SLC4A10: variants seen among roughly 807,000 people sequenced by gnomAD.
The protein encoded by SLC4A10 is sodium-driven chloride bicarbonate exchanger.
In SLC4A10, 42 loss-of-function variants were observed where a neutral mutation model predicts 137.7. That is an observed-to-expected ratio of 0.30 (90% confidence interval 0.24 to 0.39). The LOEUF is 0.39. SLC4A10 is among the 10% of genes least tolerant of loss of function. SLC4A10 has a pLI of 1.00. For synonymous variants in SLC4A10, 474 were observed against 464.1 expected (o/e 1.02, Z -0.27); for missense variants, 925 against 1,355.0 (o/e 0.68, Z 4.98).
At chr2:161,730,306 T>C (rs943916679) in intron 1 of SLC4A10, among the ~76,000 whole-genome samples, 4 of 152,158 alleles carry the variant, frequency 2.6e-5, no homozygotes, top group Non-Finnish European at 4.4e-5. Flanking sequence ...GAATTAGTTA[T>C]ACAGCTTCAG....
chr2:161,848,701 C>CTCTATT (rs2059641976), intron 4 of SLC4A10, among the ~76,000 whole-genome samples: 1 of 151,936 alleles, frequency 6.6e-6, no homozygotes, highest in Non-Finnish European at 1.5e-5. Context: ...ACATATGTGG[C>CTCTATT]TCTATTTCTG....
At position 161,908,636 on chromosome 2, in the gene SLC4A10, G is replaced by T. The variant is rs12616276; in HGVS notation, c.1997+2749G>T. Among the ~76,000 whole-genome samples the T allele has an allele frequency of 1.5e-3, 231 of 150,596 alleles. 6 individuals are homozygous for T. In the East Asian group the frequency reaches 0.044, roughly 28 times the overall value. ...CAACTGGTATTGGGTTGGGAAAGGA[G>T]GCAGAATGGGAAGCCAGTTTGCAAA... On this transcript the variant is annotated intron_variant, in intron 15 of 26. Transcript: ENST00000446997.
chr2:161,770,328 G>A (rs565574059), intron 1 of SLC4A10, among the ~76,000 whole-genome samples: 74 of 151,942 alleles, frequency 4.9e-4, no homozygotes, highest in Non-Finnish European at 8.5e-4. Context: ...TTGAGCATGT[G>A]TTTAGTACTC....
chr2:161,717,259 T>G (rs187677712), intron 1 of SLC4A10, among the ~76,000 whole-genome samples: 117 of 152,294 alleles, frequency 7.7e-4, no homozygotes, highest in African/African-American at 2.7e-3. Flanking sequence ...TTTGATTTCT[T>G]CTCTTTCTAT....
chr2:161,736,943 C>T (rs973251229), intron 1 of SLC4A10, among the ~76,000 whole-genome samples: 4 of 152,112 alleles, frequency 2.6e-5, no homozygotes, highest in African/African-American at 9.7e-5. Context: ...TCACTACAGC[C>T]TTGACCTCAT....
In SLC4A10 at chr2:161,950,703, G is replaced by C. The variant is rs371575939; in HGVS notation, c.2396G>C (p.Arg799Pro). 1 of 1,589,358 alleles carries C rather than the reference G, an allele frequency of 6.3e-7. No individual in the cohort carries two copies. Among genetic ancestry groups the C allele is most frequent in the Non-Finnish European group, 8.6e-7 (1 of 1,166,528 alleles). ...PSVFKPTRDDRGWFVTPLGPN... is the reference protein window; with the variant it reads ...PSVFKPTRDDPGWFVTPLGPN... ...TTTATACAGCCCACTAGAGATGATCGTGGCTGGTTTGTTACGCCTTTAGGT... is the reference window on the plus strand; with the variant it reads ...TTTATACAGCCCACTAGAGATGATCCTGGCTGGTTTGTTACGCCTTTAGGT... Residue 799 changes from arginine (R) to proline (P), a missense_variant, in exon 19 of 27, where the codon CGT (arginine) becomes CCT (proline). Physicochemically the swap from Arg to Pro is moderately radical, Grantham distance 103. This residue lies in a region of SLC4A10 where 82 missense variants were observed against 151.4 expected (regional missense o/e 0.54). Coordinates refer to ENST00000446997, the MANE Select transcript of SLC4A10 (RefSeq NM_001178015.2).
intron 1 of SLC4A10, among the ~76,000 whole-genome samples, chr2:161,726,554 A>G (rs1057206975): frequency 4.6e-5 from 7 of 152,168 alleles, no homozygotes; most frequent in Non-Finnish European, 8.8e-5. Flanking sequence ...TGGCAGTGGC[A>G]AAAGCTGAAA....
At chr2:161,936,006 T>C (rs1405963438) in intron 15 of SLC4A10, among the ~76,000 whole-genome samples, 1 of 152,170 alleles carries the variant, frequency 6.6e-6, no homozygotes, top group African/African-American at 2.4e-5. Flanking sequence ...GAATGTTGAA[T>C]TTTGTCAAAT....
intron 15 of SLC4A10, among the ~76,000 whole-genome samples, chr2:161,928,753 C>G (rs965013679): frequency 4.0e-5 from 6 of 151,230 alleles, no homozygotes; most frequent in Non-Finnish European, 8.8e-5. Context: ...CATTTAGTTC[C>G]TCCCATCTAT....
At chr2:161,795,190 C>G (rs1035929503) in intron 2 of SLC4A10, among the ~76,000 whole-genome samples, 5 of 152,210 alleles carry the variant, frequency 3.3e-5, no homozygotes, top group Non-Finnish European at 5.9e-5. Context: ...TTACAGGCCT[C>G]TCTCCTCTGT....
At chr2:161,934,546 AT>A (rs1240049961) in intron 15 of SLC4A10, among the ~76,000 whole-genome samples, 2 of 151,938 alleles carry the variant, frequency 1.3e-5, no homozygotes, top group Non-Finnish European at 2.9e-5. Flanking sequence ...TATGTACCAC[AT>A]TTTCCTTATT....
At chr2:161,650,198 G>A (rs549727629) in intron 1 of SLC4A10, among the ~76,000 whole-genome samples, 2 of 151,826 alleles carry the variant, frequency 1.3e-5, no homozygotes, top group Non-Finnish European at 2.9e-5. Context: ...CTTTTGAATA[G>A]TACTGGTCAG....
chr2:161,717,094 T>C (rs936464968), intron 1 of SLC4A10, among the ~76,000 whole-genome samples: 1 of 152,162 alleles, frequency 6.6e-6, no homozygotes, highest in African/African-American at 2.4e-5. Context: ...TTTGGCTTTA[T>C]GCTTGTCTGT....
chr2:161,898,526 A>G (rs1228143729), intron 11 of SLC4A10, among the ~76,000 whole-genome samples: 3 of 152,140 alleles, frequency 2.0e-5, no homozygotes, highest in Non-Finnish European at 4.4e-5. Context: ...AAATTTTTTC[A>G]CCATTGGGAT....
At chr2:161,841,703 A>G (rs2125798217) in intron 4 of SLC4A10, among the ~76,000 whole-genome samples, 1 of 152,346 alleles carries the variant, frequency 6.6e-6, no homozygotes, top group East Asian at 1.9e-4. Context: ...CAAAATGGTT[A>G]CCAACTAGTT....
intron 2 of SLC4A10, among the ~76,000 whole-genome samples, chr2:161,783,911 T>C (rs1323988247): frequency 1.3e-5 from 2 of 151,866 alleles, no homozygotes; most frequent in African/African-American, 4.8e-5. Context: ...AATAATTACT[T>C]TAAAACTAAA....
At chr2:161,935,190 G>C (rs1393351627) in intron 15 of SLC4A10, among the ~76,000 whole-genome samples, 2 of 152,080 alleles carry the variant, frequency 1.3e-5, no homozygotes, top group Admixed American at 6.6e-5. Flanking sequence ...AAAATCATTT[G>C]ACCTTAAATA....
At chr2:161,795,609 G>A (rs1026617691) in intron 2 of SLC4A10, among the ~76,000 whole-genome samples, 37 of 151,962 alleles carry the variant, frequency 2.4e-4, no homozygotes, top group Non-Finnish European at 1.0e-4. Flanking sequence ...CAACCTCTTG[G>A]AAGATTTTAA....
chr2:161,869,862 A>C (rs1164891521), intron 6 of SLC4A10, among the ~76,000 whole-genome samples: 2 of 151,484 alleles, frequency 1.3e-5, no homozygotes, highest in South Asian at 2.1e-4. Flanking sequence ...TGTGGTCTTT[A>C]TGTCTATGTC....
Sources: allele counts gnomAD v4.1 joint callset (sites outside exome capture counted in the v4.1 genomes callset), GRCh38; gene constraint gnomAD v4.1.1; regional missense constraint gnomAD v4.1.1; transcripts MANE v1.5; gene names NCBI Gene and HGNC (gene_info 2026-07-23, HGNC 2026-07-21).